JARID2: variants seen among roughly 807,000 people sequenced by gnomAD.
The protein encoded by JARID2 is protein Jumonji.
A neutral mutation model predicts 125.6 loss-of-function variants in JARID2; 21 were observed. The ratio of observed to expected loss-of-function variants is 0.17; its 90% CI spans 0.12 to 0.24. JARID2 has a LOEUF of 0.24. JARID2 is among the 10% of genes least tolerant of loss of function. The pLI, the probability that JARID2 is intolerant of heterozygous loss-of-function variation, is 1.00. For missense variants in JARID2, 1,303 were observed against 1,639.6 expected (o/e 0.79, Z 3.55); for synonymous variants, 736 against 661.6 (o/e 1.11, Z -1.73).
At chr6:15,491,347 G>C (rs1770140715) in intron 6 of JARID2, among the ~76,000 whole-genome samples, 3 of 152,266 alleles carry the variant, frequency 2.0e-5, no homozygotes, top group Admixed American at 2.0e-4. Flanking sequence ...GCCTTGGCTA[G>C]GAGGCTCCTG....
At chr6:15,369,790 A>G (rs1764099536) in intron 1 of JARID2, among the ~76,000 whole-genome samples, 1 of 152,220 alleles carries the variant, frequency 6.6e-6, no homozygotes, top group South Asian at 2.1e-4. Flanking sequence ...TCATTGGTCA[A>G]CATTTAGCAA....
At chr6:15,316,185 T>C (rs893055026) in intron 1 of JARID2, among the ~76,000 whole-genome samples, 1 of 151,870 alleles carries the variant, frequency 6.6e-6, no homozygotes, top group Non-Finnish European at 1.5e-5. Context: ...GCACGATCTC[T>C]GCTCACTGCA....
At chr6:15,506,854 A>G (rs1771028489) in intron 9 of JARID2, among the ~76,000 whole-genome samples, 1 of 152,210 alleles carries the variant, frequency 6.6e-6, no homozygotes, top group African/African-American at 2.4e-5. Flanking sequence ...TTGTTCATCC[A>G]TCTGTGGATG....
At chr6:15,368,809 G>A in intron 1 of JARID2, 1 of 449,748 alleles carries the variant, frequency 2.2e-6, no homozygotes, top group South Asian at 1.6e-5. Context: ...TCGTCTTGGA[G>A]GTTTCATCTT....
chr6:15,470,539 A>G (rs1769024941), intron 5 of JARID2, among the ~76,000 whole-genome samples: 1 of 152,192 alleles, frequency 6.6e-6, no homozygotes, highest in African/African-American at 2.4e-5. Flanking sequence ...TGTCCACTTA[A>G]TAATTGTTCA....
intron 3 of JARID2, among the ~76,000 whole-genome samples, chr6:15,436,354 C>T (rs1423330502): frequency 6.6e-6 from 1 of 152,212 alleles, no homozygotes; most frequent in African/African-American, 2.4e-5. Flanking sequence ...TGGTCGATGG[C>T]TTACTGGCCT....
At chr6:15,469,463 C>T (rs751801337) in intron 5 of JARID2, among the ~76,000 whole-genome samples, 8 of 142,952 alleles carry the variant, frequency 5.6e-5, no homozygotes, top group South Asian at 4.7e-4. Context: ...GACGGAGTCT[C>T]GCTCTGTCGC....
intron 3 of JARID2, 76 bp downstream of exon 3, chr6:15,410,441 A>G (rs905277901): frequency 2.8e-6 from 4 of 1,444,282 alleles, no homozygotes; most frequent in Non-Finnish European, 3.9e-6. Flanking sequence ...TCACCACATG[A>G]TAACGTGAGC....
chr6:15,410,278 A>C lies in JARID2; in HGVS notation c.236A>C (p.Glu79Ala). 6.2e-7 allele frequency: 1 copy of C among 1,614,174 alleles called. No homozygotes were observed. Among genetic ancestry groups the C allele is most frequent in the South Asian group, 1.1e-5 (1 of 91,090 alleles). The stretch of plus-strand genomic sequence containing the variant: ...TTAGGACCAGCATCAGAACAGTCAG[A>C]GAATGAAAAGGACGATGCATCCCAA... ...KGLGPASEQS[E>A]NEKDDASQVS... The change falls in exon 3 of 18, where the codon GAG (glutamate) becomes GCG (alanine). Residue 79 changes from glutamate (E) to alanine (A), a missense_variant. Around this residue, in one of 11 missense-constraint regions of JARID2, gnomAD observed 93 missense variants for 120.4 expected, o/e 0.77. Coordinates refer to ENST00000341776, the MANE Select transcript of JARID2 (RefSeq NM_004973.4).
chr6:15,373,228 A>G (rs1454272600), intron 1 of JARID2, among the ~76,000 whole-genome samples: 2 of 152,312 alleles, frequency 1.3e-5, no homozygotes, highest in South Asian at 2.1e-4. Flanking sequence ...ACTGTTGTCA[A>G]CCATGTCTGT....
intron 3 of JARID2, among the ~76,000 whole-genome samples, chr6:15,439,386 G>C (rs1245966988): frequency 6.6e-6 from 1 of 152,084 alleles, no homozygotes; most frequent in Non-Finnish European, 1.5e-5. Context: ...TTCACTCCTG[G>C]TTATACTTTT....
At chr6:15,294,569 A>T (rs1761339678) in intron 1 of JARID2, among the ~76,000 whole-genome samples, 1 of 149,186 alleles carries the variant, frequency 6.7e-6, no homozygotes, top group Admixed American at 6.7e-5. Flanking sequence ...CTAGCAAGTG[A>T]GGAGGAGTGA....
At chr6:15,508,315 GC>G in intron 11 of JARID2, 24 bp from the exon 12 acceptor site, 2 of 1,147,368 alleles carry the variant, frequency 1.7e-6, no homozygotes, top group Non-Finnish European at 2.7e-6. Flanking sequence ...TTTTAAAAAT[GC>G]CCTTTTCACT....
At chr6:15,247,900 C>G (rs753340382) in intron 1 of JARID2, 6 of 985,322 alleles carry the variant, frequency 6.1e-6, no homozygotes, top group Non-Finnish European at 7.2e-6. Flanking sequence ...TAAACTCGGG[C>G]TGTAGAAACT....
chr6:15,253,798 G>A (rs556975059), intron 1 of JARID2, among the ~76,000 whole-genome samples: 2 of 152,326 alleles, frequency 1.3e-5, no homozygotes, highest in Non-Finnish European at 2.9e-5. Context: ...GGATTGTGAA[G>A]AGAGGACTCA....
intron 1 of JARID2, among the ~76,000 whole-genome samples, chr6:15,256,926 TTAG>T (rs1759688218): frequency 6.6e-6 from 1 of 152,192 alleles, no homozygotes; most frequent in African/African-American, 2.4e-5. Flanking sequence ...CGAGTACTAC[TTAG>T]TAGTGGGAGG....
chr6:15,415,314 C>T (rs1177400529), intron 3 of JARID2, among the ~76,000 whole-genome samples: 1 of 152,264 alleles, frequency 6.6e-6, no homozygotes, highest in African/African-American at 2.4e-5. Context: ...TGGCCCGTTC[C>T]CAATGAGCTG....
chr6:15,294,989 C>T (rs554878166), intron 1 of JARID2, among the ~76,000 whole-genome samples: 213 of 152,124 alleles, frequency 1.4e-3, no homozygotes, highest in African/African-American at 4.9e-3. Context: ...CCTATAAATC[C>T]AAATTCAAGA....
intron 1 of JARID2, among the ~76,000 whole-genome samples, chr6:15,318,664 C>T (rs1008848363): frequency 4.6e-5 from 7 of 152,176 alleles, no homozygotes; most frequent in South Asian, 2.1e-4. Flanking sequence ...TGAGGCAGGC[C>T]GGATTCACTG....
Sources: gnomAD v4.1 joint callset for allele counts (sites outside exome capture counted in the v4.1 genomes callset) on GRCh38, gnomAD v4.1.1 for gene constraint, gnomAD v4.1.1 regional missense constraint, MANE v1.5 for transcripts, NCBI Gene and HGNC (gene_info 2026-07-23, HGNC 2026-07-21) for gene names.